The following EYS variants were observed in gnomAD, a reference collection of about 807,000 sequenced individuals.
EYS encodes EGF-like photoreceptor maintenance factor.
In EYS, 250 loss-of-function variants were observed where a neutral mutation model predicts 282.1. The ratio of observed to expected loss-of-function variants is 0.89; its 90% CI spans 0.80 to 0.98. EYS has a LOEUF of 0.98. EYS is among the 50% of genes least tolerant of loss of function. The pLI, the probability that EYS is intolerant of heterozygous loss-of-function variation, is 0.00. For synonymous variants in EYS, 1,355 were observed against 1,282.9 expected (o/e 1.06, Z -1.20); for missense variants, 4,016 against 3,709.0 (o/e 1.08, Z -2.15).
At chr6:64,858,695 T>A (rs1766144983) in intron 19 of EYS, among the ~76,000 whole-genome samples, 2 of 152,104 alleles carry the variant, frequency 1.3e-5, no homozygotes, top group African/African-American at 2.4e-5. Context: ...AAACAATAAA[T>A]GCAGGATACC....
intron 19 of EYS, among the ~76,000 whole-genome samples, chr6:64,826,677 T>A (rs1313436735): frequency 8.9e-6 from 1 of 112,584 alleles, no homozygotes; most frequent in African/African-American, 3.5e-5. Flanking sequence ...AATACATGAT[T>A]TTATGTATAT....
chr6:64,987,887 A>G (rs1306261116), intron 14 of EYS, among the ~76,000 whole-genome samples: 1 of 151,536 alleles, frequency 6.6e-6, no homozygotes, highest in Non-Finnish European at 1.5e-5. Context: ...GTATGTGTAA[A>G]TTCATTTTCA....
intron 29 of EYS, among the ~76,000 whole-genome samples, chr6:64,347,923 C>T (rs959145415): frequency 2.0e-5 from 3 of 151,328 alleles, no homozygotes; most frequent in East Asian, 2.0e-4. Flanking sequence ...TTACTCTCAA[C>T]CTCTACTCAC....
intron 41 of EYS, among the ~76,000 whole-genome samples, chr6:63,736,525 C>T (rs1438246503): frequency 6.6e-6 from 1 of 152,110 alleles, no homozygotes; most frequent in Admixed American, 6.6e-5. Flanking sequence ...TAGCGTGATG[C>T]CTCCAGCTTT....
intron 36 of EYS, among the ~76,000 whole-genome samples, chr6:63,854,076 C>A (rs1323943206): frequency 6.6e-6 from 1 of 152,124 alleles, no homozygotes; most frequent in African/African-American, 2.4e-5. Flanking sequence ...ACTAGAAATA[C>A]CACTTGACCC....
intron 31 of EYS, among the ~76,000 whole-genome samples, chr6:64,211,750 T>A (rs1285466291): frequency 1.3e-5 from 2 of 150,322 alleles, no homozygotes; most frequent in African/African-American, 2.4e-5. Context: ...TATCCATAGA[T>A]GTTTACAGCC....
intron 12 of EYS, among the ~76,000 whole-genome samples, chr6:65,138,279 G>A (rs1776077893): frequency 6.6e-6 from 1 of 152,020 alleles, no homozygotes; most frequent in Non-Finnish European, 1.5e-5. Flanking sequence ...ACAGTTAAAT[G>A]ATAATATAGA....
intron 8 of EYS, among the ~76,000 whole-genome samples, chr6:65,374,515 TC>T (rs145575467): frequency 0.052 from 7,894 of 151,186 alleles, 286 homozygotes; most frequent in African/African-American, 0.099. Flanking sequence ...TTTTTTTTTT[TC>T]GTACCCCACT....
chr6:64,178,852 C>A (rs1057181313), intron 31 of EYS, among the ~76,000 whole-genome samples: 3 of 152,006 alleles, frequency 2.0e-5, no homozygotes, highest in African/African-American at 7.2e-5. Context: ...TACCAGGAGA[C>A]CTAAATTTAT....
At chr6:64,118,568 C>G (rs1247485390) in intron 31 of EYS, among the ~76,000 whole-genome samples, 1 of 151,886 alleles carries the variant, frequency 6.6e-6, no homozygotes, top group Non-Finnish European at 1.5e-5. Flanking sequence ...TATGTCAGAC[C>G]CAAAGCTATT....
chr6:65,380,064 A>G (rs1436971729), intron 8 of EYS, among the ~76,000 whole-genome samples: 1 of 152,130 alleles, frequency 6.6e-6, no homozygotes, highest in African/African-American at 2.4e-5. Context: ...TTATAGATTC[A>G]ATGCTATTCC....
At chr6:64,783,178 C>A (rs1232845795) in intron 22 of EYS, among the ~76,000 whole-genome samples, 3 of 151,986 alleles carry the variant, frequency 2.0e-5, no homozygotes, top group East Asian at 1.9e-4. Context: ...GTCCTAGTAA[C>A]CCTTATTTTA....
chr6:64,453,086 G>A (rs1302629806), intron 26 of EYS, among the ~76,000 whole-genome samples: 2 of 152,028 alleles, frequency 1.3e-5, no homozygotes, highest in Non-Finnish European at 2.9e-5. Flanking sequence ...TACAGAATGG[G>A]AGAAAATTTT....
At chr6:64,584,656 G>T (rs1766175946) in intron 26 of EYS, among the ~76,000 whole-genome samples, 1 of 151,776 alleles carries the variant, frequency 6.6e-6, no homozygotes, top group African/African-American at 2.4e-5. Context: ...AATAATTTTT[G>T]AATATATTTT....
intron 1 of EYS, among the ~76,000 whole-genome samples, chr6:65,648,545 G>GGACTTGGGA (rs1767539203): frequency 6.6e-6 from 1 of 151,978 alleles, no homozygotes; most frequent in African/African-American, 2.4e-5. Context: ...TAGACTTTGG[G>GGACTTGGGA]GACTTGGGAG....
chr6:64,603,763 G>A (rs182392817), intron 24 of EYS, among the ~76,000 whole-genome samples: 15 of 151,976 alleles, frequency 9.9e-5, no homozygotes, highest in South Asian at 2.1e-4. Flanking sequence ...CATGTCTTCC[G>A]AACAGAGTCT....
At chr6:65,318,744 C>G (rs1304127901) in intron 11 of EYS, among the ~76,000 whole-genome samples, 1 of 150,700 alleles carries the variant, frequency 6.6e-6, no homozygotes, top group Non-Finnish European at 1.5e-5. Context: ...TGGGTTCAAG[C>G]GATTCTCCTT....
intron 33 of EYS, among the ~76,000 whole-genome samples, chr6:64,064,129 C>T (rs554419840): frequency 6.6e-6 from 1 of 152,306 alleles, no homozygotes; most frequent in Admixed American, 6.5e-5. Context: ...AGCCTTCCTG[C>T]ATCATGTTTC....
At chr6:64,141,734 A>G (rs1030271288) in intron 31 of EYS, among the ~76,000 whole-genome samples, 2 of 152,236 alleles carry the variant, frequency 1.3e-5, no homozygotes, top group Non-Finnish European at 2.9e-5. Context: ...TTTAATTTAT[A>G]AAACAATGAG....
Sources: gnomAD v4.1 joint callset for allele counts (sites outside exome capture counted in the v4.1 genomes callset) on GRCh38, gnomAD v4.1.1 for gene constraint, MANE v1.5 for transcripts, NCBI Gene and HGNC (gene_info 2026-07-23, HGNC 2026-07-21) for gene names.